Variants in BOLL observed in about 807,000 individuals in gnomAD.
BOLL encodes the protein protein boule-like.
In BOLL, 23 loss-of-function variants were observed where a neutral mutation model predicts 44.4. That is an observed-to-expected ratio of 0.52 (90% confidence interval 0.37 to 0.73). BOLL has a LOEUF of 0.73. Among genes scored for constraint, BOLL ranks in the 30% least tolerant of loss-of-function variants. The probability of loss-of-function intolerance (pLI) is 0.00; values close to 1 mark genes in which losing one functional copy is unlikely to be tolerated. For synonymous variants in BOLL, 97 were observed against 110.8 expected (o/e 0.88, Z 0.78); for missense variants, 287 against 338.3 (o/e 0.85, Z 1.19).
chr2:197,773,752 C>T (rs990051060), intron 5 of BOLL, among the ~76,000 whole-genome samples: 1 of 151,784 alleles, frequency 6.6e-6, no homozygotes, highest in Non-Finnish European at 1.5e-5. Flanking sequence ...AAGAATACCT[C>T]AAAATAAGCT....
Position 197,781,024 on chromosome 2 carries a change from G to C in BOLL, c.129+698C>G, listed in dbSNP as rs112111562. Among the ~76,000 whole-genome samples the C allele has an allele frequency of 7.1e-3, 1,083 of 152,036 alleles. 22 individuals carry two copies. The highest frequency in any genetic ancestry group is 0.024 in the African/African-American group (1,015 of 41,508). On this transcript the variant is annotated intron_variant, in intron 2 of 10. Transcript: ENST00000392296. The stretch of plus-strand genomic sequence containing the variant: ...CTGATTACATGATATAAATATATTA[G>C]TTTTTAAAAAACTTTTATTTTAAGT...
At chr2:197,729,404 G>C (rs1013243991) in intron 10 of BOLL, among the ~76,000 whole-genome samples, 1 of 152,196 alleles carries the variant, frequency 6.6e-6, no homozygotes, top group Non-Finnish European at 1.5e-5. Context: ...GCCCGCCATT[G>C]CCCAGGCTTG....
At chr2:197,772,519 C>T (rs1013653653) in intron 5 of BOLL, among the ~76,000 whole-genome samples, 5 of 151,928 alleles carry the variant, frequency 3.3e-5, no homozygotes, top group African/African-American at 7.2e-5. Flanking sequence ...AGCAAACATT[C>T]GTTCATGCTA....
chr2:197,764,988 G>T (rs954396526), intron 7 of BOLL, among the ~76,000 whole-genome samples: 3 of 151,956 alleles, frequency 2.0e-5, no homozygotes, highest in Non-Finnish European at 4.4e-5. Context: ...TCTCATAGAA[G>T]TAAAAAGAAT....
intron 9 of BOLL, among the ~76,000 whole-genome samples, chr2:197,745,139 G>A (rs552482578): frequency 6.6e-6 from 1 of 152,340 alleles, no homozygotes; most frequent in Non-Finnish European, 1.5e-5. Flanking sequence ...TTCTCAGAAT[G>A]ACATGGGCAG....
chr2:197,773,144 C>T (rs959280177), intron 5 of BOLL, among the ~76,000 whole-genome samples: 1 of 151,550 alleles, frequency 6.6e-6, no homozygotes, highest in African/African-American at 2.4e-5. Context: ...AATCAGGGAC[C>T]TTTTCCTCAG....
intron 9 of BOLL, among the ~76,000 whole-genome samples, chr2:197,744,906 A>C (rs1449165410): frequency 6.6e-6 from 1 of 152,212 alleles, no homozygotes; most frequent in East Asian, 1.9e-4. Context: ...TACAAGACAG[A>C]AAAAGAACAG....
intron 9 of BOLL, among the ~76,000 whole-genome samples, chr2:197,746,757 C>T (rs555302819): frequency 1.2e-4 from 18 of 151,706 alleles, no homozygotes; most frequent in South Asian, 2.1e-4. Context: ...AAAATTAGCC[C>T]GGCATGGTGG....
rs1404237853 is a variant in BOLL, at chr2:197,756,481, C to G, written c.676G>C (p.Asp226His). ...AGTGGAGGAGGAACACATCCACCATCCTGTGCAATTTCCACTGGTTGATAA... is the reference window on the plus strand; with the variant it reads ...AGTGGAGGAGGAACACATCCACCATGCTGTGCAATTTCCACTGGTTGATAA... Reference protein sequence around the residue: ...VIYQPVEIAQDGGCVPPPLSL... With the variant: ...VIYQPVEIAQHGGCVPPPLSL... Residue 226 changes from aspartate (D) to histidine (H), a missense_variant, in exon 9 of 11, where the codon GAT becomes CAT. Asp to His is a moderately conservative substitution (Grantham distance 81, BLOSUM62 -1). Transcript: ENST00000392296. The G allele has an allele frequency of 1.2e-6, 2 of 1,612,748 alleles. No individual in the cohort carries two copies. The highest frequency in any genetic ancestry group is 3.3e-5 in the Admixed American group (2 of 59,948).
intron 7 of BOLL, chr2:197,758,913 T>A: frequency 6.6e-7 from 1 of 1,525,098 alleles, no homozygotes. Context: ...TTTTTAGATC[T>A]AAATGTTAGC....
intron 9 of BOLL, among the ~76,000 whole-genome samples, chr2:197,746,892 C>G (rs1352891541): frequency 1.7e-5 from 2 of 114,422 alleles, no homozygotes; most frequent in Non-Finnish European, 3.4e-5. Flanking sequence ...GAGTGAGACT[C>G]TGTCTCGAAA....
intron 3 of BOLL, among the ~76,000 whole-genome samples, chr2:197,778,727 A>T (rs1041813220): frequency 6.6e-6 from 1 of 151,600 alleles, no homozygotes; most frequent in African/African-American, 2.4e-5. Context: ...GCTGCCTACC[A>T]CTGAATGGTC....
intron 6 of BOLL, among the ~76,000 whole-genome samples, chr2:197,771,227 C>G (rs1689237778): frequency 6.6e-6 from 1 of 151,790 alleles, no homozygotes; most frequent in African/African-American, 2.4e-5. Flanking sequence ...AACCATCATT[C>G]TGAGCAAGCT....
At chr2:197,780,780 GT>G (rs5837556) in intron 2 of BOLL, among the ~76,000 whole-genome samples, 107,903 of 150,672 alleles carry the variant, frequency 0.72, 39,513 homozygotes, top group African/African-American at 0.88. Flanking sequence ...CATAAGGAAG[GT>G]TTTTTTTTTG....
intron 6 of BOLL, among the ~76,000 whole-genome samples, chr2:197,771,263 C>G (rs1188907452): frequency 2.7e-5 from 4 of 148,198 alleles, no homozygotes; most frequent in Non-Finnish European, 5.9e-5. Flanking sequence ...AACCAAACAC[C>G]ATATGGTCTC....
chr2:197,741,684 T>C (rs558611841), intron 10 of BOLL, among the ~76,000 whole-genome samples: 6 of 151,310 alleles, frequency 4.0e-5, no homozygotes, highest in African/African-American at 1.4e-4. Flanking sequence ...AAGACTTACA[T>C]GTTAGACCTA....
intron 9 of BOLL, among the ~76,000 whole-genome samples, chr2:197,748,034 C>T (rs1450853943): frequency 6.6e-6 from 1 of 152,170 alleles, no homozygotes; most frequent in Non-Finnish European, 1.5e-5. Flanking sequence ...TTCTGCATTT[C>T]CAACTGAGGT....
chr2:197,734,980 C>A (rs1207705463), intron 10 of BOLL, among the ~76,000 whole-genome samples: 5 of 151,770 alleles, frequency 3.3e-5, no homozygotes, highest in Non-Finnish European at 5.9e-5. Flanking sequence ...AAAAAGAATT[C>A]TATTTAAAGT....
intron 4 of BOLL, 57 bp from the exon 5 acceptor site, chr2:197,775,797 C>A: frequency 3.7e-6 from 4 of 1,077,028 alleles, no homozygotes; most frequent in Non-Finnish European, 5.2e-6. Flanking sequence ...TTTATAAAAT[C>A]AATAAGGAAA....
Sources: allele counts gnomAD v4.1 joint callset (sites outside exome capture counted in the v4.1 genomes callset), GRCh38; gene constraint gnomAD v4.1.1; transcripts MANE v1.5; gene names NCBI Gene and HGNC (gene_info 2026-07-23, HGNC 2026-07-21).